The following AGBL4 variants were observed in gnomAD, a reference collection of about 807,000 sequenced individuals.
AGBL4 encodes AGBL carboxypeptidase 4.
In AGBL4, 58 loss-of-function variants were observed where a neutral mutation model predicts 66.4. The ratio of observed to expected loss-of-function variants is 0.87; its 90% confidence interval spans 0.71 to 1.09. The LOEUF is 1.09. Among genes scored for constraint, AGBL4 ranks in the 50% least tolerant of loss-of-function variants. AGBL4 has a pLI of 0.00. For synonymous variants in AGBL4, 234 were observed against 222.9 expected, an observed-to-expected ratio of 1.05 and a Z score of -0.44; for missense variants, 579 against 631.0, an observed-to-expected ratio of 0.92 and a Z score of 0.88.
At chr1:48,986,718 T>C (rs543401986) in intron 5 of AGBL4, among the ~76,000 whole-genome samples, 205 of 152,174 alleles carry the variant, frequency 1.3e-3, no homozygotes, top group Middle Eastern at 3.4e-3. Context: ...GATGGAAATA[T>C]GTATCTACCA....
At chr1:49,157,274 C>T (rs969639214) in intron 4 of AGBL4, among the ~76,000 whole-genome samples, 1 of 151,450 alleles carries the variant, frequency 6.6e-6, no homozygotes, top group African/African-American at 2.4e-5. Flanking sequence ...GTGATGTTCC[C>T]CTCCCCGTGT....
At chr1:49,988,069 C>T (rs1032133853) in intron 1 of AGBL4, among the ~76,000 whole-genome samples, 7 of 151,988 alleles carry the variant, frequency 4.6e-5, no homozygotes, top group African/African-American at 1.7e-4. Context: ...AAGTATAATC[C>T]TTTGCTATAT....
chr1:49,207,525 C>T lies in AGBL4; in HGVS notation c.377+38245G>A, dbSNP rs12062400. 1.8e-3 allele frequency among the ~76,000 whole-genome samples: 191 copies of T among 106,656 alleles called. 1 individual carries two copies. Among genetic ancestry groups the T allele is most frequent in the African/African-American group, 3.7e-3 (109 of 29,828 alleles). 70.0% of individuals were successfully genotyped at this position (106,656 alleles called of 152,430 possible). On this transcript the variant is annotated intron_variant, in intron 4 of 13. Coordinates refer to ENST00000371839, the MANE Select transcript of AGBL4 (RefSeq NM_032785.4). ...TCTTTCTTTTTCTTTCTTTCTTTCT[C>T]TCTTTCTTTTTCTTTCTTTTCTTTC...
intron 6 of AGBL4, among the ~76,000 whole-genome samples, chr1:48,743,334 T>C (rs1200878603): frequency 6.6e-6 from 1 of 152,182 alleles, no homozygotes; most frequent in African/African-American, 2.4e-5. Flanking sequence ...TACTCTGATT[T>C]TTATTTTAAT....
At chr1:49,207,522 T>TC (rs1648275933) in intron 4 of AGBL4, among the ~76,000 whole-genome samples, 14 of 147,622 alleles carry the variant, frequency 9.5e-5, no homozygotes, top group South Asian at 4.4e-4. Flanking sequence ...TTTCTTTCTT[T>TC]CTCTCTTTCT....
intron 1 of AGBL4, among the ~76,000 whole-genome samples, chr1:49,877,782 CT>C (rs1373856100): frequency 6.6e-6 from 1 of 150,994 alleles, no homozygotes; most frequent in Non-Finnish European, 1.5e-5. Flanking sequence ...GTGAATCCAT[CT>C]GGTCCTGGAC....
intron 4 of AGBL4, among the ~76,000 whole-genome samples, chr1:49,197,292 C>T (rs565011796): frequency 6.6e-6 from 1 of 152,308 alleles, no homozygotes; most frequent in African/African-American, 2.4e-5. Context: ...CATGAGCAGG[C>T]TCATGACCTC....
chr1:49,062,977 C>T (rs1330344400), intron 4 of AGBL4, among the ~76,000 whole-genome samples: 1 of 152,160 alleles, frequency 6.6e-6, no homozygotes, highest in Admixed American at 6.5e-5. Context: ...TCATGTATTT[C>T]ACAACTTCCT....
intron 6 of AGBL4, among the ~76,000 whole-genome samples, chr1:48,828,703 G>T (rs1352813854): frequency 1.3e-5 from 2 of 152,194 alleles, no homozygotes; most frequent in East Asian, 3.8e-4. Context: ...AACAGGTTGT[G>T]TTAAGGATAA....
intron 1 of AGBL4, among the ~76,000 whole-genome samples, chr1:49,928,996 T>A (rs999967799): frequency 6.6e-6 from 1 of 152,146 alleles, no homozygotes; most frequent in African/African-American, 2.4e-5. Flanking sequence ...TAAAAAAGAA[T>A]GAAATCATAT....
chr1:49,532,475 C>T (rs1651216742), intron 3 of AGBL4, among the ~76,000 whole-genome samples: 1 of 152,056 alleles, frequency 6.6e-6, no homozygotes, highest in South Asian at 2.1e-4. Context: ...TTCTTCTAAT[C>T]CCTTCCTTGT....
intron 3 of AGBL4, among the ~76,000 whole-genome samples, chr1:49,448,519 CT>C (rs1646208761): frequency 6.6e-6 from 1 of 152,262 alleles, no homozygotes; most frequent in African/African-American, 2.4e-5. Context: ...TTATTTATCA[CT>C]GTGGCCAGGA....
chr1:48,751,573 A>AGCAGGT (rs1472018736), intron 6 of AGBL4, among the ~76,000 whole-genome samples: 1 of 152,204 alleles, frequency 6.6e-6, no homozygotes, highest in African/African-American at 2.4e-5. Flanking sequence ...TCTGGCCCAA[A>AGCAGGT]GCAGGTATTC....
In AGBL4 at chr1:48,962,433, A is replaced by G. The variant is rs146331165; in HGVS notation, c.594+83151T>C. On this transcript the variant is annotated intron_variant, in intron 5 of 13. Transcript: ENST00000371839. ...GCTGGCATTGGGGAGGGGAAGCAGA[A>G]TGTAAAGAGCGCTTATGCTATGACT... Among the ~76,000 whole-genome samples, 421 of 152,328 alleles carry G rather than the reference A, an allele frequency of 2.8e-3. 6 individuals carry two copies. The highest frequency in any genetic ancestry group is 9.3e-3 in the African/African-American group (386 of 41,572).
At chr1:49,819,302 A>T (rs1645306948) in intron 2 of AGBL4, among the ~76,000 whole-genome samples, 1 of 152,226 alleles carries the variant, frequency 6.6e-6, no homozygotes, top group Non-Finnish European at 1.5e-5. Context: ...ATCATGACTT[A>T]AAACATACTG....
chr1:48,764,676 T>A (rs1644445173), intron 6 of AGBL4, among the ~76,000 whole-genome samples: 2 of 152,228 alleles, frequency 1.3e-5, no homozygotes, highest in South Asian at 4.1e-4. Context: ...GGATTCCAAG[T>A]CCAGTTCTGT....
rs554107624 is a variant in AGBL4, at chr1:49,489,125, G to GGT, written c.282+208187_282+208188insAC. Among the ~76,000 whole-genome samples, 55 of 151,258 alleles carry GGT rather than the reference G, an allele frequency of 3.6e-4. 1 individual carries two copies. In the South Asian group the frequency reaches 9.8e-3, roughly 27 times the overall value. On this transcript the variant is annotated intron_variant, in intron 3 of 13. Transcript: ENST00000371839. ...GAACTTCTAAGCTGTTCTCTATAGT[G>GGT]TGTACTAATTTACATTCCCACCAAC...
intron 4 of AGBL4, among the ~76,000 whole-genome samples, chr1:49,055,840 C>A (rs1223458630): frequency 6.6e-6 from 1 of 152,048 alleles, no homozygotes; most frequent in Admixed American, 6.5e-5. Flanking sequence ...TGTAACTCTA[C>A]TAACGTAATA....
At chr1:48,874,720 C>A (rs1192776253) in intron 5 of AGBL4, among the ~76,000 whole-genome samples, 1 of 152,130 alleles carries the variant, frequency 6.6e-6, no homozygotes, top group East Asian at 1.9e-4. Context: ...ATGTAGCAGA[C>A]TGATTCTCAT....
Sources: gnomAD v4.1 joint callset for allele counts (sites outside exome capture counted in the v4.1 genomes callset) on GRCh38, gnomAD v4.1.1 for gene constraint, MANE v1.5 for transcripts, NCBI Gene and HGNC (gene_info 2026-07-23, HGNC 2026-07-21) for gene names.